Variants in FAM131B observed in about 807,000 individuals in gnomAD.
FAM131B encodes family with sequence similarity 131 member B.
FAM131B carries 19 observed loss-of-function variants against 42.0 expected under a neutral mutation model. That is an observed-to-expected ratio of 0.45 (90% confidence interval 0.32 to 0.66). FAM131B has a LOEUF of 0.66. FAM131B is among the 30% of genes least tolerant of loss of function. FAM131B has a pLI of 0.05. For synonymous variants in FAM131B, 183 were observed against 177.6 expected, an observed-to-expected ratio of 1.03 and a Z score of -0.24; for missense variants, 370 against 468.4, an observed-to-expected ratio of 0.79 and a Z score of 1.94.
chr7:143,377,435 G>T, the FAM131B span, among the ~76,000 whole-genome samples: 1 of 152,218 alleles, frequency 6.6e-6, no homozygotes, highest in Non-Finnish European at 1.5e-5. Context: ...CAGGTATAAA[G>T]TAGGGGTGTT....
At chr7:143,368,187 C>T in the FAM131B span, among the ~76,000 whole-genome samples, 1 of 152,174 alleles carries the variant, frequency 6.6e-6, no homozygotes, top group African/African-American at 2.4e-5. Context: ...GATGCCAGGA[C>T]CAAGGAGGCA....
intron 5 of FAM131B, 34 bp from the exon 6 acceptor site, chr7:143,357,457 T>C: frequency 1.9e-6 from 3 of 1,591,056 alleles, no homozygotes; most frequent in South Asian, 1.1e-5. Flanking sequence ...ACAAAATACC[T>C]CAGGGAATCC....
rs1234090903 is a variant in FAM131B at position 143,359,556 on chromosome 7, G to A, written c.175-137C>T. ...ATAAGAAAAGCTACTATACCCAAGAGTCCCAAGGAGGGATATATCCCCAGT... is the reference window on the plus strand; with the variant it reads ...ATAAGAAAAGCTACTATACCCAAGAATCCCAAGGAGGGATATATCCCCAGT... On this transcript the variant is annotated intron_variant, in intron 3 of 6. Coordinates refer to ENST00000443739, the MANE Select transcript of FAM131B (RefSeq NM_001031690.3). This position sits in a 1 kb window ranked among gnomAD's most constrained non-coding sequence, Gnocchi z 5.4. 1.6e-5 allele frequency: 15 copies of A among 924,300 alleles called. No individual in the cohort carries two copies. Among genetic ancestry groups the A allele is most frequent in the Non-Finnish European group, 2.1e-5 (12 of 574,284 alleles). 57.3% of individuals were successfully genotyped at this position (924,300 alleles called of 1,614,324 possible). A position where few individuals can be genotyped will look rare whatever the true frequency, so the allele number is the denominator to read the frequency against.
chr7:143,357,429 G>A lies in FAM131B; in HGVS notation c.467-6C>T, dbSNP rs772207803. On this transcript the variant is annotated splice_region_variant and splice_polypyrimidine_tract_variant and intron_variant, in intron 5 of 6. Coordinates refer to ENST00000443739, the MANE Select transcript of FAM131B (RefSeq NM_001031690.3). ...AGCAAACTGCTCCATGACGCCTGGGGGAAGAAATGCAACAACCACAAAATA... is the reference window on the plus strand; with the variant it reads ...AGCAAACTGCTCCATGACGCCTGGGAGAAGAAATGCAACAACCACAAAATA... 3 of 1,602,714 alleles carry A rather than the reference G, an allele frequency of 1.9e-6. No homozygotes were observed. The highest frequency in any genetic ancestry group is 1.7e-5 in the Admixed American group (1 of 57,510).
chr7:143,371,414 C>T, the FAM131B span, among the ~76,000 whole-genome samples: 37 of 151,998 alleles, frequency 2.4e-4, no homozygotes, highest in Non-Finnish European at 5.0e-4. Flanking sequence ...GTGTTCAAGA[C>T]CAGCCTGGGC....
chr7:143,361,933 C>T, intron 1 of FAM131B: 1 of 562,774 alleles, frequency 1.8e-6, no homozygotes, highest in Non-Finnish European at 2.3e-6. Context: ...CCCCCAGCCC[C>T]TTCCCTCCAC....
the FAM131B span, among the ~76,000 whole-genome samples, chr7:143,374,770 T>C: frequency 6.6e-6 from 1 of 152,130 alleles, no homozygotes; most frequent in Non-Finnish European, 1.5e-5. Flanking sequence ...CAAACACTTC[T>C]CCTTTTGCAT....
chr7:143,375,527 A>G, the FAM131B span, among the ~76,000 whole-genome samples: 5 of 152,144 alleles, frequency 3.3e-5, no homozygotes, highest in Admixed American at 1.3e-4. Flanking sequence ...GGGTGGCAGG[A>G]AGGGCAGCCT....
intron 6 of FAM131B, 115 bp from the exon 7 acceptor site, chr7:143,357,137 C>T (rs1231782053): frequency 3.6e-6 from 4 of 1,120,666 alleles, no homozygotes. Context: ...CAGTAAGACA[C>T]AGAGTGCACA....
Position 143,359,859 on chromosome 7 carries a change from G to A in FAM131B, c.139-92C>T. The A allele has an allele frequency of 7.8e-7, 1 of 1,275,294 alleles. No individual in the cohort carries two copies. Among genetic ancestry groups the A allele is most frequent in the Non-Finnish European group, 1.1e-6 (1 of 898,110 alleles). 79.0% of individuals were successfully genotyped at this position (1,275,294 alleles called of 1,614,324 possible). A position where few individuals can be genotyped will look rare whatever the true frequency, so the allele number is the denominator to read the frequency against. ...CTCAGAGGGCCTTCCAGGAGTGCGGGATGTGGGGAGGGCTTTCCTGAGGTT... is the reference window on the plus strand; with the variant it reads ...CTCAGAGGGCCTTCCAGGAGTGCGGAATGTGGGGAGGGCTTTCCTGAGGTT... On this transcript the variant is annotated intron_variant, in intron 2 of 6. Coordinates refer to ENST00000443739, the MANE Select transcript of FAM131B (RefSeq NM_001031690.3). This position sits in a 1 kb window ranked among gnomAD's most constrained non-coding sequence, Gnocchi z 5.4.
In FAM131B at chr7:143,359,521, A is replaced by G; in HGVS notation, c.175-102T>C. ...GTTTCCAGGAAAAAGCATTCGAGCT[A>G]GGGCAGATGATAAGAAAAGCTACTA... is the stretch of plus-strand genomic sequence containing the variant. On this transcript the variant is annotated intron_variant, in intron 3 of 6. Transcript: ENST00000443739. This position sits in a 1 kb window ranked among gnomAD's most constrained non-coding sequence, Gnocchi z 5.4. The G allele has an allele frequency of 9.8e-7, 1 of 1,016,592 alleles. No homozygotes were observed. The highest frequency in any genetic ancestry group is 1.5e-6 in the Non-Finnish European group (1 of 654,004). The allele number at this position is 1,016,592 out of a possible 1,614,324, so 63.0% of individuals were successfully genotyped here.
At chr7:143,363,297 G>A (rs2116492405), upstream of FAM131B, among the ~76,000 whole-genome samples, 1 of 152,228 alleles carries the variant, frequency 6.6e-6, no homozygotes, top group Middle Eastern at 3.4e-3. Flanking sequence ...CCACTTCTCT[G>A]TGCTCGCTGG....
the FAM131B span, chr7:143,381,105 C>G: frequency 1.4e-6 from 1 of 694,686 alleles, no homozygotes; most frequent in Admixed American, 6.4e-5. Context: ...GCGGCGGGGG[C>G]GGCAGTGAGT....
chr7:143,370,565 C>T, the FAM131B span, among the ~76,000 whole-genome samples: 2 of 152,256 alleles, frequency 1.3e-5, no homozygotes, highest in Non-Finnish European at 1.5e-5. Flanking sequence ...CCGCCAAAAC[C>T]GAAATGGCGA....
the FAM131B span, chr7:143,382,056 C>T: frequency 3.4e-5 from 21 of 609,090 alleles, no homozygotes; most frequent in African/African-American, 3.7e-4. Flanking sequence ...GGAGCTGCAC[C>T]ACTCCTCGGC....
upstream of FAM131B, among the ~76,000 whole-genome samples, chr7:143,362,936 C>A (rs867485874): frequency 6.6e-6 from 1 of 151,854 alleles, no homozygotes; most frequent in South Asian, 2.1e-4. This position sits in a 1 kb window ranked among gnomAD's most constrained non-coding sequence, Gnocchi z 7.7. Context: ...TCGCCGCCCC[C>A]CTCCTCCCGC....
intron 1 of FAM131B, chr7:143,361,951 T>A: frequency 3.1e-5 from 17 of 550,596 alleles, no homozygotes; most frequent in Middle Eastern, 9.3e-4. Flanking sequence ...CACCCGGCCC[T>A]GGCCCTGTCC....
At chr7:143,370,942 T>C in the FAM131B span, among the ~76,000 whole-genome samples, 1 of 152,212 alleles carries the variant, frequency 6.6e-6, no homozygotes, top group African/African-American at 2.4e-5. Flanking sequence ...TGTTCATTTC[T>C]AACCTTAAGT....
upstream of FAM131B, among the ~76,000 whole-genome samples, chr7:143,362,931 G>T (rs1171412491): frequency 4.0e-5 from 6 of 151,558 alleles, no homozygotes; most frequent in East Asian, 9.8e-4. The surrounding 1 kb of genome is among the most constrained non-coding windows in gnomAD (Gnocchi z 7.7). Context: ...CGCCGTCGCC[G>T]CCCCCCTCCT....
Sources: gnomAD v4.1 joint callset for allele counts (sites outside exome capture counted in the v4.1 genomes callset) on GRCh38, gnomAD v4.1.1 for gene constraint, Gnocchi (gnomAD v3.1) non-coding constraint, MANE v1.5 for transcripts, NCBI Gene and HGNC (gene_info 2026-07-23, HGNC 2026-07-21) for gene names.